Variants in SPRED2 observed in about 807,000 individuals in gnomAD.
The protein encoded by SPRED2 is sprouty-related, EVH1 domain-containing protein 2.
SPRED2 carries 47 observed loss-of-function variants against 43.0 expected under a neutral mutation model. That is an observed-to-expected ratio of 1.09 (90% confidence interval 0.87 to 1.40). The LOEUF (loss-of-function observed/expected upper bound fraction) is 1.40. SPRED2 is among the 40% of genes most tolerant of loss of function. The pLI, the probability that SPRED2 is intolerant of heterozygous loss-of-function variation, is 0.00. For missense variants in SPRED2, 561 were observed against 586.4 expected (o/e 0.96, Z 0.45); for synonymous variants, 225 against 225.7 (o/e 1.00, Z 0.03).
chr2:65,374,349 T>C (rs1265833972), intron 1 of SPRED2, among the ~76,000 whole-genome samples: 1 of 152,230 alleles, frequency 6.6e-6, no homozygotes, highest in Non-Finnish European at 1.5e-5. Flanking sequence ...AAATTACAGC[T>C]GTTGATCAAG....
At chr2:65,431,881 G>A in intron 1 of SPRED2, 81 bp downstream of exon 1, 2 of 1,537,668 alleles carry the variant, frequency 1.3e-6, no homozygotes, top group South Asian at 1.1e-5. Context: ...CACCCAATAA[G>A]CGTCCCCGCC....
chr2:65,313,340 A>G lies in SPRED2; in HGVS notation c.*161T>C. 1 of 1,471,994 alleles carries G rather than the reference A, an allele frequency of 6.8e-7. No homozygotes were observed. Among genetic ancestry groups the G allele is most frequent in the East Asian group, 2.4e-5 (1 of 42,154 alleles). The allele number at this position is 1,471,994 out of a possible 1,614,324, so 91.2% of individuals were successfully genotyped here. A position where few individuals can be genotyped will look rare whatever the true frequency, so the allele number is the denominator to read the frequency against. The stretch of plus-strand genomic sequence containing the variant: ...AGGGGGAGTGGAGAGTCTACCCGGC[A>G]GCGTCCCTGGCTGGAATGGTGCCTC... On this transcript the variant is annotated 3_prime_UTR_variant, in exon 6 of 6. Transcript: ENST00000356388.
At chr2:65,328,001 C>G (rs1255854024) in intron 4 of SPRED2, among the ~76,000 whole-genome samples, 2 of 152,124 alleles carry the variant, frequency 1.3e-5, no homozygotes, top group African/African-American at 4.8e-5. Context: ...GGATTACAGG[C>G]ATGAACCGCT....
Position 65,314,019 on chromosome 2 carries a change from C to T in SPRED2, c.739G>A (p.Ala247Thr), listed in dbSNP as rs772485288. The change falls in exon 6 of 6, where the codon GCG becomes ACG. Residue 247 changes from alanine (A) to threonine (T), a missense_variant. Around this residue, in one of 6 missense-constraint regions of SPRED2, gnomAD observed 164 missense variants for 164.1 expected, o/e 1.00. Transcript: ENST00000356388. ...GCGAAGCGCACGTAGGAGGAGTCCG[C>T]GTCCTCCGAGGGGTCCGGGTACTTG... ...RGKYPDPSED[A>T]DSSYVRFAKG... 4 of 1,614,054 alleles carry T rather than the reference C, an allele frequency of 2.5e-6. No homozygotes were observed. Among genetic ancestry groups the T allele is most frequent in the South Asian group, 1.1e-5 (1 of 91,088 alleles).
intron 1 of SPRED2, among the ~76,000 whole-genome samples, chr2:65,416,176 A>G (rs962863718): frequency 6.6e-6 from 1 of 152,220 alleles, no homozygotes; most frequent in Non-Finnish European, 1.5e-5. Context: ...GATGGGGGTG[A>G]CATTCAGATT....
intron 4 of SPRED2, among the ~76,000 whole-genome samples, chr2:65,325,445 A>T (rs1673582271): frequency 6.6e-6 from 1 of 152,234 alleles, no homozygotes; most frequent in Non-Finnish European, 1.5e-5. Context: ...CCTCAATTTC[A>T]GGCCAGGCCA....
chr2:65,322,840 T>A (rs1333329073), intron 4 of SPRED2, among the ~76,000 whole-genome samples: 1 of 152,252 alleles, frequency 6.6e-6, no homozygotes, highest in Admixed American at 6.5e-5. Context: ...TGTTATTAGA[T>A]GATTTTTCTG....
At chr2:65,331,871 C>T (rs1289449362) in intron 4 of SPRED2, 116 bp downstream of exon 4, 1 of 754,548 alleles carries the variant, frequency 1.3e-6, no homozygotes, top group Non-Finnish European at 2.2e-6. Context: ...GCTCTGATGC[C>T]ATCCAAACAG....
intron 1 of SPRED2, among the ~76,000 whole-genome samples, chr2:65,369,792 T>C (rs868731343): frequency 6.6e-6 from 1 of 152,246 alleles, no homozygotes; most frequent in African/African-American, 2.4e-5. Context: ...GGTGAGGCCA[T>C]TCCAAGGAGT....
intron 1 of SPRED2, among the ~76,000 whole-genome samples, chr2:65,351,526 C>A (rs2104288343): frequency 1.3e-5 from 2 of 152,302 alleles, no homozygotes; most frequent in Middle Eastern, 6.8e-3. Context: ...CCTCTCCAGC[C>A]CAACTCCCAG....
chr2:65,359,883 G>A (rs901143196), intron 1 of SPRED2, among the ~76,000 whole-genome samples: 2 of 151,914 alleles, frequency 1.3e-5, no homozygotes, highest in African/African-American at 4.8e-5. Flanking sequence ...TGGCAAACAT[G>A]GTGAAACTCC....
At chr2:65,333,259 C>CAA (rs200576180) in intron 3 of SPRED2, among the ~76,000 whole-genome samples, 27 of 93,606 alleles carry the variant, frequency 2.9e-4, no homozygotes, top group African/African-American at 1.3e-3. Flanking sequence ...GACTCCATCT[C>CAA]AAAAAAAAAA....
At chr2:65,413,611 C>T (rs886995089) in intron 1 of SPRED2, among the ~76,000 whole-genome samples, 1 of 152,170 alleles carries the variant, frequency 6.6e-6, no homozygotes, top group East Asian at 1.9e-4. Flanking sequence ...CCCAAGTCAC[C>T]GTGCAAGTGG....
intron 1 of SPRED2, among the ~76,000 whole-genome samples, chr2:65,370,006 T>A (rs997473139): frequency 6.6e-6 from 1 of 152,230 alleles, no homozygotes; most frequent in East Asian, 1.9e-4. Context: ...TATATGTATA[T>A]AACTTAAGTC....
At chr2:65,347,055 C>T (rs1437710615) in intron 1 of SPRED2, among the ~76,000 whole-genome samples, 1 of 152,176 alleles carries the variant, frequency 6.6e-6, no homozygotes, top group Non-Finnish European at 1.5e-5. Flanking sequence ...AATATCTGCA[C>T]CACCTCCATA....
At chr2:65,369,010 A>G (rs1020857021) in intron 1 of SPRED2, among the ~76,000 whole-genome samples, 4 of 152,124 alleles carry the variant, frequency 2.6e-5, no homozygotes, top group African/African-American at 9.7e-5. Context: ...GGGAGGCTGA[A>G]GCTGCAGTAA....
rs147193476 is a variant in SPRED2 at position 65,419,154 on chromosome 2, C to T, written c.26+12808G>A. On this transcript the variant is annotated intron_variant, in intron 1 of 5. Coordinates refer to ENST00000356388, the MANE Select transcript of SPRED2 (RefSeq NM_181784.3). ...TACCTATCTGCTTTAGACTTGGTAT[C>T]CACATTCAAGAACTTTTAGTGTTGA... 6.7e-4 allele frequency among the ~76,000 whole-genome samples: 102 copies of T among 152,242 alleles called. 1 individual carries two copies. The Middle Eastern group carries it at 0.017, about 25-fold the overall frequency.
chr2:65,417,369 C>T (rs912774878), intron 1 of SPRED2, among the ~76,000 whole-genome samples: 3 of 152,136 alleles, frequency 2.0e-5, no homozygotes, highest in African/African-American at 7.2e-5. Context: ...AAGGCCCTTC[C>T]CTGCCTCCAC....
chr2:65,318,701 T>C (rs1327793304), intron 4 of SPRED2, among the ~76,000 whole-genome samples: 1 of 152,120 alleles, frequency 6.6e-6, no homozygotes, highest in Non-Finnish European at 1.5e-5. Flanking sequence ...GGACAGGATT[T>C]TGCTTTGTCA....
Sources: gnomAD v4.1 joint callset for allele counts (sites outside exome capture counted in the v4.1 genomes callset) on GRCh38, gnomAD v4.1.1 for gene constraint, gnomAD v4.1.1 regional missense constraint, MANE v1.5 for transcripts, NCBI Gene and HGNC (gene_info 2026-07-23, HGNC 2026-07-21) for gene names.